Variants in NALF1 observed in about 807,000 individuals in gnomAD.
NALF1 encodes family with sequence similarity 155 member A.
A neutral mutation model predicts 48.4 loss-of-function variants in NALF1; 3 were observed. The ratio of observed to expected loss-of-function variants is 0.06; its 90% CI spans 0.03 to 0.16. NALF1 has a LOEUF of 0.16. NALF1 is among the 10% of genes least tolerant of loss of function. The pLI, the probability that NALF1 is intolerant of heterozygous loss-of-function variation, is 1.00. For synonymous variants in NALF1, 262 were observed against 245.7 expected (o/e 1.07, Z -0.62); for missense variants, 526 against 571.5 (o/e 0.92, Z 0.81).
At chr13:107,341,634 T>C (rs2138935280) in intron 1 of NALF1, among the ~76,000 whole-genome samples, 1 of 151,452 alleles carries the variant, frequency 6.6e-6, no homozygotes, top group African/African-American at 2.4e-5. Flanking sequence ...ATATTATATA[T>C]ATACACTTGG....
intron 1 of NALF1, among the ~76,000 whole-genome samples, chr13:107,752,044 G>A (rs897052700): frequency 6.6e-6 from 1 of 151,654 alleles, no homozygotes; most frequent in East Asian, 1.9e-4. Context: ...TTAATATATG[G>A]GGGAATGATT....
At chr13:107,805,395 T>C (rs1325131820) in intron 1 of NALF1, among the ~76,000 whole-genome samples, 6 of 152,212 alleles carry the variant, frequency 3.9e-5, no homozygotes, top group East Asian at 1.9e-4. Flanking sequence ...TGTCTATGCA[T>C]TGTGTCACTT....
chr13:107,235,481 G>A (rs887731213), intron 1 of NALF1, among the ~76,000 whole-genome samples: 2 of 152,182 alleles, frequency 1.3e-5, no homozygotes, highest in Middle Eastern at 3.4e-3. Context: ...CCATGAAATT[G>A]GGGTAGTATT....
chr13:107,729,917 C>T (rs186999905), intron 1 of NALF1, among the ~76,000 whole-genome samples: 21 of 152,230 alleles, frequency 1.4e-4, no homozygotes, highest in Admixed American at 3.3e-4. Context: ...ATGACTTGGT[C>T]TACCAAAAAT....
At chr13:107,377,903 G>A (rs1471225877) in intron 1 of NALF1, among the ~76,000 whole-genome samples, 1 of 152,162 alleles carries the variant, frequency 6.6e-6, no homozygotes, top group Non-Finnish European at 1.5e-5. Context: ...AATGAGAAAT[G>A]AAACCAGCCA....
chr13:107,432,944 A>G (rs558003602), intron 1 of NALF1, among the ~76,000 whole-genome samples: 31 of 151,860 alleles, frequency 2.0e-4, no homozygotes, highest in African/African-American at 6.8e-4. Context: ...TTCTTAATCT[A>G]CTCCCTCCAC....
intron 1 of NALF1, among the ~76,000 whole-genome samples, chr13:107,479,770 C>T (rs1293813006): frequency 6.6e-6 from 1 of 152,098 alleles, no homozygotes; most frequent in Non-Finnish European, 1.5e-5. Context: ...ATTTGAGACC[C>T]ATGAAATGTA....
chr13:107,748,133 G>C (rs1184436665), intron 1 of NALF1, among the ~76,000 whole-genome samples: 1 of 152,088 alleles, frequency 6.6e-6, no homozygotes, highest in Admixed American at 6.5e-5. Context: ...AATCAAATGG[G>C]ATGTTATATG....
chr13:107,513,731 G>A (rs891168109), intron 1 of NALF1, among the ~76,000 whole-genome samples: 1 of 152,174 alleles, frequency 6.6e-6, no homozygotes. Flanking sequence ...GCACATGAAG[G>A]GATGCAAAAC....
At chr13:107,322,547 T>C (rs1882277685) in intron 1 of NALF1, among the ~76,000 whole-genome samples, 1 of 152,166 alleles carries the variant, frequency 6.6e-6, no homozygotes, top group African/African-American at 2.4e-5. Flanking sequence ...GATTTTCTGG[T>C]ACCTCCACCC....
At chr13:107,841,672 T>TA (rs910508217) in intron 1 of NALF1, among the ~76,000 whole-genome samples, 7 of 152,072 alleles carry the variant, frequency 4.6e-5, no homozygotes, top group Non-Finnish European at 8.8e-5. Context: ...TTTCAATTGT[T>TA]TGTTTGACTT....
At chr13:107,432,919 T>A (rs1422781483) in intron 1 of NALF1, among the ~76,000 whole-genome samples, 1 of 152,182 alleles carries the variant, frequency 6.6e-6, no homozygotes, top group African/African-American at 2.4e-5. Context: ...AATTAGACAT[T>A]CATCTCCTGA....
intron 1 of NALF1, among the ~76,000 whole-genome samples, chr13:107,678,193 A>C (rs4485215): frequency 6.6e-6 from 1 of 151,866 alleles, no homozygotes; most frequent in African/African-American, 2.4e-5. Context: ...TGCACTTTAC[A>C]AGCTTTCTTT....
At chr13:107,860,323 T>C (rs1381334076) in intron 1 of NALF1, among the ~76,000 whole-genome samples, 2 of 152,200 alleles carry the variant, frequency 1.3e-5, no homozygotes, top group African/African-American at 2.4e-5. Context: ...ATCTGAGTTA[T>C]ACTTTCATCA....
At chr13:107,367,697 G>A (rs932693420) in intron 1 of NALF1, among the ~76,000 whole-genome samples, 22 of 152,246 alleles carry the variant, frequency 1.4e-4, no homozygotes, top group African/African-American at 5.3e-4. Flanking sequence ...TGCCCCTTGT[G>A]CAAAATAATA....
chr13:107,776,819 G>T (rs1877747149), intron 1 of NALF1, among the ~76,000 whole-genome samples: 1 of 152,202 alleles, frequency 6.6e-6, no homozygotes, highest in Admixed American at 6.5e-5. Context: ...GGCCGGACAT[G>T]TTGGCTCATG....
At chr13:107,367,975 A>C (rs1247722366) in intron 1 of NALF1, among the ~76,000 whole-genome samples, 1 of 152,226 alleles carries the variant, frequency 6.6e-6, no homozygotes, top group Non-Finnish European at 1.5e-5. Context: ...CTTTATGATA[A>C]TAAAAGGTGG....
chr13:107,620,605 G>A (rs1879493955), intron 1 of NALF1, among the ~76,000 whole-genome samples: 1 of 152,150 alleles, frequency 6.6e-6, no homozygotes, highest in African/African-American at 2.4e-5. Context: ...GAGCACTCTG[G>A]CATCTGTGTT....
intron 1 of NALF1, among the ~76,000 whole-genome samples, chr13:107,344,759 T>C (rs1390154693): frequency 6.6e-6 from 1 of 152,112 alleles, no homozygotes; most frequent in Non-Finnish European, 1.5e-5. Flanking sequence ...TTTCCTTTAA[T>C]ATCAGGAGCA....
Sources: gnomAD v4.1 joint callset for allele counts (sites outside exome capture counted in the v4.1 genomes callset) on GRCh38, gnomAD v4.1.1 for gene constraint, MANE v1.5 for transcripts, NCBI Gene and HGNC (gene_info 2026-07-23, HGNC 2026-07-21) for gene names.